Variants in ZBTB7C observed in about 807,000 individuals in gnomAD.
The protein encoded by ZBTB7C is zinc finger and BTB domain-containing protein 7C.
ZBTB7C carries 8 observed loss-of-function variants against 25.7 expected under a neutral mutation model. The ratio of observed to expected loss-of-function variants is 0.31; its 90% confidence interval spans 0.18 to 0.56. The LOEUF (loss-of-function observed/expected upper bound fraction) is 0.56. Among genes scored for constraint, ZBTB7C ranks in the 20% least tolerant of loss-of-function variants. The probability of loss-of-function intolerance (pLI) is 0.91; values close to 1 mark genes in which losing one functional copy is unlikely to be tolerated. For missense variants in ZBTB7C, 824 were observed against 855.2 expected (o/e 0.96, Z 0.46); for synonymous variants, 394 against 369.0 (o/e 1.07, Z -0.78).
chr18:48,305,067 G>C (rs2045639440), intron 2 of ZBTB7C, among the ~76,000 whole-genome samples: 1 of 152,110 alleles, frequency 6.6e-6, no homozygotes, highest in Non-Finnish European at 1.5e-5. Context: ...CAGCGCCCCT[G>C]CTCCCCAGGT....
At chr18:48,107,293 A>G (rs922753827) in intron 3 of ZBTB7C, among the ~76,000 whole-genome samples, 2 of 149,452 alleles carry the variant, frequency 1.3e-5, no homozygotes, top group African/African-American at 4.9e-5. Flanking sequence ...AGGAAGATTG[A>G]GGAGGAGTGA....
chr18:48,201,474 C>T (rs1407597207), intron 2 of ZBTB7C, among the ~76,000 whole-genome samples: 1 of 152,096 alleles, frequency 6.6e-6, no homozygotes, highest in African/African-American at 2.4e-5. Context: ...TAGCACAGTC[C>T]CTGTCCCATG....
intron 2 of ZBTB7C, among the ~76,000 whole-genome samples, chr18:48,332,673 CT>C (rs58216606): frequency 0.1 from 8,985 of 85,582 alleles, 359 homozygotes; most frequent in Non-Finnish European, 0.12. Context: ...CTCTCCTTTG[CT>C]TTTTTTTTTT....
intron 3 of ZBTB7C, among the ~76,000 whole-genome samples, chr18:48,108,833 C>T (rs2039129359): frequency 6.6e-6 from 1 of 152,140 alleles, no homozygotes; most frequent in Non-Finnish European, 1.5e-5. Context: ...CTGTCCTATT[C>T]CAGGCCTTGT....
chr18:48,220,543 A>C (rs1263021622), intron 2 of ZBTB7C, among the ~76,000 whole-genome samples: 1 of 152,170 alleles, frequency 6.6e-6, no homozygotes, highest in African/African-American at 2.4e-5. Context: ...ATGGAGCTCA[A>C]ATTTTCTCCT....
chr18:48,404,211 C>T (rs1470491169), intron 1 of ZBTB7C, among the ~76,000 whole-genome samples: 2 of 152,082 alleles, frequency 1.3e-5, no homozygotes, highest in East Asian at 1.9e-4. Context: ...GAGATCGTGC[C>T]GCTGCACATC....
At chr18:48,228,631 C>T (rs1308329161) in intron 2 of ZBTB7C, among the ~76,000 whole-genome samples, 1 of 152,050 alleles carries the variant, frequency 6.6e-6, no homozygotes, top group Non-Finnish European at 1.5e-5. Context: ...TGCCGCCCCC[C>T]TGCCTGCCCA....
At chr18:48,210,691 T>C (rs1212283601) in intron 2 of ZBTB7C, among the ~76,000 whole-genome samples, 4 of 151,616 alleles carry the variant, frequency 2.6e-5, no homozygotes, top group Non-Finnish European at 5.9e-5. Flanking sequence ...TGCTAATGGG[T>C]ACGAGGTGTC....
intron 3 of ZBTB7C, among the ~76,000 whole-genome samples, chr18:48,184,138 C>T (rs1013740502): frequency 2.0e-5 from 3 of 152,140 alleles, no homozygotes; most frequent in Admixed American, 1.3e-4. Context: ...GCACCATAAC[C>T]ACCTTCCTGC....
At chr18:48,229,821 A>G (rs2043204226) in intron 2 of ZBTB7C, among the ~76,000 whole-genome samples, 1 of 151,948 alleles carries the variant, frequency 6.6e-6, no homozygotes, top group Admixed American at 6.5e-5. Context: ...CAGTCCAAGG[A>G]GCGGGGCAGG....
In ZBTB7C at chr18:48,040,439, C is replaced by G; in HGVS notation, c.669G>C (p.Arg223=). Residue 223 remains arginine (R), a synonymous_variant, in exon 4 of 5, where the codon CGG becomes CGC. Transcript: ENST00000590800. ...AGSPGHLGVI[R]DFSIESLLRE... is the part of the protein sequence containing the mutation. ...TTAGCAGAGATTCGATGGAGAAGTC[C>G]CGGATCACCCCCAGATGGCCAGGAC... 6.2e-7 allele frequency: 1 copy of G among 1,607,422 alleles called. No individual in the cohort carries two copies. The highest frequency in any genetic ancestry group is 1.7e-4 in the Middle Eastern group (1 of 6,016).
chr18:48,068,918 T>A (rs2037438198), intron 3 of ZBTB7C, among the ~76,000 whole-genome samples: 1 of 152,124 alleles, frequency 6.6e-6, no homozygotes, highest in Non-Finnish European at 1.5e-5. Context: ...GCCGAGGACA[T>A]CGTAGTGGGA....
chr18:48,137,778 C>G (rs755726954), intron 3 of ZBTB7C, among the ~76,000 whole-genome samples: 1 of 152,246 alleles, frequency 6.6e-6, no homozygotes, highest in African/African-American at 2.4e-5. Flanking sequence ...AGACATATCA[C>G]GCAGGCTGAC....
chr18:48,296,845 G>T lies in ZBTB7C; in HGVS notation c.-79+41329C>A, dbSNP rs570526688. Among the ~76,000 whole-genome samples the T allele has an allele frequency of 3.9e-5, 6 of 152,274 alleles. No homozygotes were observed. The South Asian group carries it at 1.0e-3, about 26-fold the overall frequency. ...GCAGAGCCATGAGAGTCTCACAGGA[G>T]CGCGAACTCTATTGTGAACCATGCA... On this transcript the variant is annotated intron_variant, in intron 2 of 4. Transcript: ENST00000590800.
intron 1 of ZBTB7C, among the ~76,000 whole-genome samples, chr18:48,343,522 C>T (rs993668749): frequency 1.3e-5 from 2 of 152,194 alleles, no homozygotes; most frequent in Non-Finnish European, 2.9e-5. Flanking sequence ...TTAGCCCACA[C>T]TCTGGAGGCC....
chr18:48,062,450 G>A lies in ZBTB7C; in HGVS notation c.-16-21327C>T, dbSNP rs79779156. ...CAGTCAGAACCCCTGAACACTAAGC[G>A]TGTCAAGACATATCTAGAGCTGCTT... On this transcript the variant is annotated intron_variant, in intron 3 of 4. Transcript: ENST00000590800. Among the ~76,000 whole-genome samples, 1,057 of 152,320 alleles carry A rather than the reference G, an allele frequency of 6.9e-3. 15 individuals are homozygous for A. The highest frequency in any genetic ancestry group is 0.024 in the African/African-American group (1,018 of 41,570).
chr18:48,052,518 C>T (rs60305403), intron 3 of ZBTB7C, among the ~76,000 whole-genome samples: 2,775 of 152,248 alleles, frequency 0.018, 99 homozygotes, highest in African/African-American at 0.061. Context: ...GTGGGTAGGG[C>T]TCTGGAAGCT....
chr18:48,062,872 C>G (rs542549497), intron 3 of ZBTB7C, among the ~76,000 whole-genome samples: 1 of 152,320 alleles, frequency 6.6e-6, no homozygotes, highest in East Asian at 1.9e-4. Flanking sequence ...AGCTTGAGCT[C>G]TTAGGCATGG....
chr18:48,114,540 G>A (rs1488008890), intron 3 of ZBTB7C, among the ~76,000 whole-genome samples: 1 of 152,058 alleles, frequency 6.6e-6, no homozygotes, highest in Non-Finnish European at 1.5e-5. Flanking sequence ...GGTCCAAGTT[G>A]CAGTGAGCCA....
Sources: gnomAD v4.1 joint callset for allele counts (sites outside exome capture counted in the v4.1 genomes callset) on GRCh38, gnomAD v4.1.1 for gene constraint, MANE v1.5 for transcripts, NCBI Gene and HGNC (gene_info 2026-07-23, HGNC 2026-07-21) for gene names.